SLC16A5: variants seen among roughly 807,000 people sequenced by gnomAD.
SLC16A5 encodes solute carrier family 16 member 5, also known as monocarboxylate transporter 6.
Under a neutral mutation model 33.2 loss-of-function variants are expected in SLC16A5, and 29 were observed. The ratio of observed to expected loss-of-function variants is 0.87; its 90% CI spans 0.65 to 1.19. The LOEUF (loss-of-function observed/expected upper bound fraction) is 1.19. SLC16A5 is among the 50% of genes most tolerant of loss of function. The probability of loss-of-function intolerance (pLI) is 0.00; values close to 1 mark genes in which losing one functional copy is unlikely to be tolerated. For missense variants in SLC16A5, 606 were observed against 678.2 expected, an observed-to-expected ratio of 0.89 and a Z score of 1.18; for synonymous variants, 248 against 284.1, an observed-to-expected ratio of 0.87 and a Z score of 1.28.
chr17:75,096,337 C>T (rs116985629), intron 3 of SLC16A5, among the ~76,000 whole-genome samples: 2 of 150,638 alleles, frequency 1.3e-5, no homozygotes, highest in African/African-American at 2.5e-5. Flanking sequence ...TCCCCACCCC[C>T]ACCCCTGTGA....
At chr17:75,101,356 C>G (rs1334613756) in intron 5 of SLC16A5, among the ~76,000 whole-genome samples, 6 of 151,110 alleles carry the variant, frequency 4.0e-5, no homozygotes, top group East Asian at 1.9e-4. Flanking sequence ...GTCAGGAGAT[C>G]GAGACCAACA....
intron 4 of SLC16A5, 24 bp from the exon 5 acceptor site, chr17:75,099,983 C>G (rs772642730): frequency 6.3e-7 from 1 of 1,592,630 alleles, no homozygotes; most frequent in African/African-American, 1.3e-5. Flanking sequence ...CGCCTCCAGG[C>G]TGGTTTCCCC....
intron 2 of SLC16A5, 49 bp from the exon 3 acceptor site, chr17:75,093,540 G>A (rs1399352940): frequency 1.3e-6 from 2 of 1,541,090 alleles, no homozygotes; most frequent in Non-Finnish European, 1.7e-6. Context: ...TGGGCCAGGA[G>A]AGACGGACAG....
intron 4 of SLC16A5, among the ~76,000 whole-genome samples, chr17:75,099,235 A>G (rs564041655): frequency 6.6e-6 from 1 of 152,208 alleles, no homozygotes; most frequent in Non-Finnish European, 1.5e-5. Context: ...AGAGGCAGAG[A>G]AAGAAGTTCC....
downstream of SLC16A5, among the ~76,000 whole-genome samples, chr17:75,107,664 C>T (rs930185427): frequency 4.0e-5 from 6 of 151,786 alleles, no homozygotes; most frequent in Admixed American, 2.6e-4. Flanking sequence ...TTAGGCCGGG[C>T]GCAGTGGCTC....
rs748387274 is a variant in SLC16A5 at position 75,098,124 on chromosome 17, G to A, written c.286G>A (p.Ala96Thr). The change falls in exon 4 of 7, where the codon GCC (alanine) becomes ACC (threonine). Residue 96 changes from alanine (A) to threonine (T), a missense_variant. Coordinates refer to ENST00000329783, the MANE Select transcript of SLC16A5 (RefSeq NM_004695.4). Reference sequence around the variant, plus strand: ...CGTGCTGGCCAGCCTGGGCATGGTGGCCAGCTCCTTCTCTCACAACCTCAG... The same window carrying A: ...CGTGCTGGCCAGCCTGGGCATGGTGACCAGCTCCTTCTCTCACAACCTCAG... ...GGVLASLGMV[A>T]SSFSHNLSQL... The A allele has an allele frequency of 3.1e-6, 5 of 1,612,216 alleles. No individual in the cohort carries two copies. The highest frequency in any genetic ancestry group is 3.3e-5 in the Admixed American group (2 of 59,702).
chr17:75,093,947 G>A, intron 3 of SLC16A5, 112 bp downstream of exon 3: 1 of 1,447,210 alleles, frequency 6.9e-7, no homozygotes. Context: ...TGCCTCCTGG[G>A]TGAATTCCTA....
chr17:75,091,618 C>G (rs2073638436), intron 2 of SLC16A5, among the ~76,000 whole-genome samples: 1 of 152,162 alleles, frequency 6.6e-6, no homozygotes. Context: ...CTTTAAAACT[C>G]CTAGGCCTGG....
intron 5 of SLC16A5, among the ~76,000 whole-genome samples, chr17:75,101,570 A>AG (rs2073800146): frequency 7.4e-6 from 1 of 136,032 alleles, no homozygotes; most frequent in Admixed American, 7.0e-5. Flanking sequence ...TGAAAAAAAA[A>AG]AAAAAAAAAA....
At chr17:75,097,105 C>T (rs932873148) in intron 3 of SLC16A5, among the ~76,000 whole-genome samples, 1 of 152,094 alleles carries the variant, frequency 6.6e-6, no homozygotes, top group South Asian at 2.1e-4. Flanking sequence ...GGATTACAGG[C>T]GTGAGCCACC....
At chr17:75,096,499 G>A (rs926523629) in intron 3 of SLC16A5, among the ~76,000 whole-genome samples, 1 of 151,138 alleles carries the variant, frequency 6.6e-6, no homozygotes, top group African/African-American at 2.5e-5. Context: ...TGTCTGCGAC[G>A]GGCTGCTCAC....
chr17:75,107,808 G>C (rs111260271), downstream of SLC16A5, among the ~76,000 whole-genome samples: 1 of 152,092 alleles, frequency 6.6e-6, no homozygotes, highest in African/African-American at 2.4e-5. Flanking sequence ...GTCGTGGCGG[G>C]TGCCTGTAGT....
chr17:75,107,466 C>T (rs2145095348), downstream of SLC16A5, among the ~76,000 whole-genome samples: 1 of 152,310 alleles, frequency 6.6e-6, no homozygotes, highest in East Asian at 1.9e-4. Flanking sequence ...CTACCAAGGG[C>T]TGAGAATTCC....
At chr17:75,097,355 A>C (rs2145033104) in intron 3 of SLC16A5, among the ~76,000 whole-genome samples, 1 of 152,258 alleles carries the variant, frequency 6.6e-6, no homozygotes, top group African/African-American at 2.4e-5. Flanking sequence ...GTGAGAAAGC[A>C]GCTGGGAGCC....
downstream of SLC16A5, among the ~76,000 whole-genome samples, chr17:75,106,623 G>A (rs1313766562): frequency 6.6e-6 from 1 of 150,588 alleles, no homozygotes; most frequent in East Asian, 1.9e-4. Flanking sequence ...GGCTGGGTGT[G>A]GTGGCTCACG....
chr17:75,105,515 G>T (rs1158281446), intron 6 of SLC16A5: 1 of 985,230 alleles, frequency 1.0e-6, no homozygotes, highest in Non-Finnish European at 1.2e-6. Flanking sequence ...ACTCACCCCT[G>T]CTCCCCGTAC....
chr17:75,104,119 G>C lies in SLC16A5; in HGVS notation c.1303G>C (p.Glu435Gln), dbSNP rs1249044899. Residue 435 changes from glutamate (E) to glutamine (Q), a missense_variant, in exon 6 of 7, where the codon GAG becomes CAG. Coordinates refer to ENST00000329783, the MANE Select transcript of SLC16A5 (RefSeq NM_004695.4). The part of the protein sequence containing the change: ...GKQAVAADAL[E>Q]RDLFLEAKDG... ...GCAGGCTGTCGCGGCGGATGCCCTGGAGCGGGATCTTTTCTTGGAAGCCAA... is the reference window on the plus strand; with the variant it reads ...GCAGGCTGTCGCGGCGGATGCCCTGCAGCGGGATCTTTTCTTGGAAGCCAA... 1.9e-6 allele frequency: 3 copies of C among 1,614,214 alleles called. No homozygotes were observed. The highest frequency in any genetic ancestry group is 2.7e-5 in the African/African-American group (2 of 75,070).
intron 6 of SLC16A5, 165 bp from the exon 7 acceptor site, chr17:75,105,713 CTG>C (rs2145087979): frequency 1.0e-6 from 1 of 985,468 alleles, no homozygotes. Flanking sequence ...GTCATAAACT[CTG>C]TGAACTAATG....
At chr17:75,095,942 A>T (rs925613293) in intron 3 of SLC16A5, among the ~76,000 whole-genome samples, 1 of 151,638 alleles carries the variant, frequency 6.6e-6, no homozygotes, top group South Asian at 2.1e-4. Context: ...TACAGGTGTG[A>T]GCCACCACGC....
Sources: allele counts gnomAD v4.1 joint callset (sites outside exome capture counted in the v4.1 genomes callset), GRCh38; gene constraint gnomAD v4.1.1; transcripts MANE v1.5; gene names NCBI Gene and HGNC (gene_info 2026-07-23, HGNC 2026-07-21).